Variants in FHIP1A observed in about 807,000 individuals in gnomAD.
FHIP1A encodes FHF complex subunit HOOK interacting protein 1A.
FHIP1A carries 61 observed loss-of-function variants against 88.6 expected under a neutral mutation model. The ratio of observed to expected loss-of-function variants is 0.69; its 90% CI spans 0.56 to 0.85. The LOEUF (loss-of-function observed/expected upper bound fraction) is 0.85. Among genes scored for constraint, FHIP1A ranks in the 40% least tolerant of loss-of-function variants. FHIP1A has a pLI of 0.00. For synonymous variants in FHIP1A, 478 were observed against 496.0 expected, an observed-to-expected ratio of 0.96 and a Z score of 0.48; for missense variants, 1,154 against 1,273.5, an observed-to-expected ratio of 0.91 and a Z score of 1.43.
chr4:151,539,797 A>G (rs1732210930), intron 3 of FHIP1A, among the ~76,000 whole-genome samples: 1 of 152,208 alleles, frequency 6.6e-6, no homozygotes, highest in Non-Finnish European at 1.5e-5. Context: ...TTCATTAAAT[A>G]ACAAGTATAC....
At chr4:151,559,535 C>A (rs1249842811) in intron 3 of FHIP1A, among the ~76,000 whole-genome samples, 1 of 152,152 alleles carries the variant, frequency 6.6e-6, no homozygotes, top group Admixed American at 6.5e-5. Flanking sequence ...TTACACAAAT[C>A]GTGGCATACT....
chr4:151,527,342 C>T (rs985521482), intron 3 of FHIP1A, among the ~76,000 whole-genome samples: 5 of 152,186 alleles, frequency 3.3e-5, no homozygotes, highest in Non-Finnish European at 5.9e-5. Flanking sequence ...GCCAACACAG[C>T]GAAACCCCGT....
In FHIP1A at chr4:151,588,828, C is replaced by T. The variant is rs758058661; in HGVS notation, c.892-12C>T. ...TCTTTGCCTTTTTCATGCCTATGTGCCTCTCTCTCAGGTGGCTCACCCCTT... is the reference window on the plus strand; with the variant it reads ...TCTTTGCCTTTTTCATGCCTATGTGTCTCTCTCTCAGGTGGCTCACCCCTT... On this transcript the variant is annotated splice_polypyrimidine_tract_variant and intron_variant, in intron 6 of 13. Transcript: ENST00000435205. The T allele has an allele frequency of 3.9e-6, 6 of 1,521,940 alleles. No individual in the cohort carries two copies. Among genetic ancestry groups the T allele is most frequent in the Non-Finnish European group, 5.4e-6 (6 of 1,120,186 alleles). The allele number at this position is 1,521,940 out of a possible 1,614,324, so 94.3% of individuals were successfully genotyped here. A position where few individuals can be genotyped will look rare whatever the true frequency, so the allele number is the denominator to read the frequency against.
chr4:151,591,093 C>CTTTT (rs552966792), intron 7 of FHIP1A, among the ~76,000 whole-genome samples: 18 of 140,840 alleles, frequency 1.3e-4, no homozygotes, highest in African/African-American at 4.6e-4. Flanking sequence ...TGTTGGTTTG[C>CTTTT]TTTTTTTTTT....
At chr4:151,554,271 C>G (rs1405261978) in intron 3 of FHIP1A, among the ~76,000 whole-genome samples, 1 of 152,166 alleles carries the variant, frequency 6.6e-6, no homozygotes, top group Non-Finnish European at 1.5e-5. Flanking sequence ...TTACTGTTAT[C>G]TGCTGATGCA....
chr4:151,525,910 C>G (rs546087003), intron 3 of FHIP1A, among the ~76,000 whole-genome samples: 7 of 151,834 alleles, frequency 4.6e-5, no homozygotes, highest in African/African-American at 1.7e-4. Context: ...TGCGGCCTTC[C>G]GCAGTGTTTG....
chr4:151,603,972 C>G (rs1734972722), intron 7 of FHIP1A, among the ~76,000 whole-genome samples: 1 of 152,178 alleles, frequency 6.6e-6, no homozygotes. Context: ...ATTTTCTAAA[C>G]ACATCATCCT....
At chr4:151,459,989 T>C (rs964449763) in intron 2 of FHIP1A, among the ~76,000 whole-genome samples, 1 of 152,178 alleles carries the variant, frequency 6.6e-6, no homozygotes, top group African/African-American at 2.4e-5. Context: ...AATCTTTAGA[T>C]TGCTATTTTG....
chr4:151,614,806 A>G (rs1361858387), intron 7 of FHIP1A, among the ~76,000 whole-genome samples: 1 of 152,152 alleles, frequency 6.6e-6, no homozygotes, highest in African/African-American at 2.4e-5. Flanking sequence ...AGCTTAATGT[A>G]TTGTCATAAT....
intron 3 of FHIP1A, among the ~76,000 whole-genome samples, chr4:151,502,456 G>C (rs1383271422): frequency 6.6e-6 from 1 of 152,156 alleles, no homozygotes; most frequent in Non-Finnish European, 1.5e-5. Context: ...GGAGCTGAAA[G>C]ATACAAGAAC....
intron 4 of FHIP1A, among the ~76,000 whole-genome samples, chr4:151,571,826 C>T (rs918792595): frequency 2.0e-5 from 3 of 152,208 alleles, no homozygotes; most frequent in African/African-American, 7.2e-5. Context: ...TAGCTCTAGC[C>T]TTGACAGTAG....
intron 7 of FHIP1A, among the ~76,000 whole-genome samples, chr4:151,590,107 A>G (rs1364262038): frequency 3.3e-5 from 5 of 152,204 alleles, no homozygotes; most frequent in Admixed American, 6.5e-5. Context: ...CTGTTGTTCC[A>G]GGGATGGAAT....
At chr4:151,441,174 G>T (rs1561495894) in intron 1 of FHIP1A, among the ~76,000 whole-genome samples, 1 of 152,130 alleles carries the variant, frequency 6.6e-6, no homozygotes, top group Non-Finnish European at 1.5e-5. Flanking sequence ...TGGAATAATA[G>T]AGGTAGGGAT....
Position 151,586,771 on chromosome 4 carries a change from C to T in FHIP1A, c.863C>T (p.Ser288Phe), listed in dbSNP as rs983011998. The change falls in exon 6 of 14, where the codon TCC becomes TTC. Residue 288 changes from serine to phenylalanine, a missense_variant. Physicochemically the swap from Ser to Phe is radical, Grantham distance 155. Coordinates refer to ENST00000435205, the MANE Select transcript of FHIP1A (RefSeq NM_001109977.3). ...CCTTCTCTTGTCCAGTTCATGAACT[C>T]CCTGGAGTTTTGCAATGCAGTCATA... ...LLPSLVQFMN[S>F]LEFCNAVIQV... is the part of the protein sequence containing the mutation. 15 of 1,550,580 alleles carry T rather than the reference C, an allele frequency of 9.7e-6. No individual in the cohort carries two copies. Among genetic ancestry groups the T allele is most frequent in the Non-Finnish European group, 1.3e-5 (15 of 1,146,270 alleles).
intron 11 of FHIP1A, among the ~76,000 whole-genome samples, chr4:151,651,640 G>A (rs1228475516): frequency 6.6e-6 from 1 of 152,228 alleles, no homozygotes; most frequent in Non-Finnish European, 1.5e-5. Context: ...CCCAGGAGAA[G>A]CCTGGTGAGG....
At chr4:151,422,787 C>T (rs555059644) in intron 1 of FHIP1A, among the ~76,000 whole-genome samples, 131 of 152,214 alleles carry the variant, frequency 8.6e-4, no homozygotes, top group Non-Finnish European at 1.6e-3. Flanking sequence ...ACCTGCCCAG[C>T]TGGAATTGGA....
chr4:151,442,632 T>C (rs894455925), intron 1 of FHIP1A, among the ~76,000 whole-genome samples: 3 of 152,176 alleles, frequency 2.0e-5, no homozygotes, highest in Non-Finnish European at 2.9e-5. Context: ...TTTGATTGGC[T>C]TCATTTAGCC....
chr4:151,546,461 C>G (rs1181224813), intron 3 of FHIP1A, among the ~76,000 whole-genome samples: 1 of 152,204 alleles, frequency 6.6e-6, no homozygotes, highest in African/African-American at 2.4e-5. Context: ...ACTCTCTCGT[C>G]TATCTATCTG....
intron 3 of FHIP1A, among the ~76,000 whole-genome samples, chr4:151,552,188 G>A (rs1476899728): frequency 6.6e-6 from 1 of 152,216 alleles, no homozygotes; most frequent in Non-Finnish European, 1.5e-5. Flanking sequence ...AGGTGCTGGA[G>A]AGGATGTGGA....
Sources: gnomAD v4.1 joint callset for allele counts (sites outside exome capture counted in the v4.1 genomes callset) on GRCh38, gnomAD v4.1.1 for gene constraint, MANE v1.5 for transcripts, NCBI Gene and HGNC (gene_info 2026-07-23, HGNC 2026-07-21) for gene names.